The following TAFA5 variants were observed in gnomAD, a reference collection of about 807,000 sequenced individuals.
TAFA5 encodes TAFA chemokine like family member 5.
Under a neutral mutation model 15.3 loss-of-function variants are expected in TAFA5, and 6 were observed. The ratio of observed to expected loss-of-function variants is 0.39; its 90% CI spans 0.21 to 0.77. The LOEUF is 0.77. Among genes scored for constraint, TAFA5 ranks in the 30% least tolerant of loss-of-function variants. The probability of loss-of-function intolerance (pLI) is 0.41; values close to 1 mark genes in which losing one functional copy is unlikely to be tolerated. For missense variants in TAFA5, 161 were observed against 193.1 expected (o/e 0.83, Z 0.98); for synonymous variants, 103 against 80.7 (o/e 1.28, Z -1.48).
At chr22:48,576,084 C>T (rs1601589051) in intron 1 of TAFA5, among the ~76,000 whole-genome samples, 1 of 136,728 alleles carries the variant, frequency 7.3e-6, no homozygotes, top group East Asian at 2.2e-4. Context: ...AATCCGCGGC[C>T]CGCCGTCCGG....
At chr22:48,717,159 C>CA in intron 3 of TAFA5, among the ~76,000 whole-genome samples, 1 of 152,358 alleles carries the variant, frequency 6.6e-6, no homozygotes, top group South Asian at 2.1e-4. Context: ...CCCCAAAACT[C>CA]AGAGGGAAAA....
chr22:48,737,322 G>T (rs1442068311), intron 3 of TAFA5, among the ~76,000 whole-genome samples: 1 of 152,224 alleles, frequency 6.6e-6, no homozygotes, highest in Non-Finnish European at 1.5e-5. Context: ...GGCCCCCACA[G>T]CTCGAGGGCA....
At chr22:48,743,422 C>A (rs1930238536) in intron 3 of TAFA5, among the ~76,000 whole-genome samples, 1 of 152,180 alleles carries the variant, frequency 6.6e-6, no homozygotes, top group Non-Finnish European at 1.5e-5. Context: ...GTGGTATCCA[C>A]CCTAATCTGA....
intron 1 of TAFA5, among the ~76,000 whole-genome samples, chr22:48,541,188 G>A (rs185349351): frequency 6.6e-6 from 1 of 152,232 alleles, no homozygotes; most frequent in African/African-American, 2.4e-5. Context: ...CGGGGCGTTT[G>A]TACAGGGCCT....
chr22:48,663,215 G>A (rs1171000855), intron 2 of TAFA5, among the ~76,000 whole-genome samples: 1 of 152,236 alleles, frequency 6.6e-6, no homozygotes, highest in African/African-American at 2.4e-5. Flanking sequence ...ATTGGGAAGG[G>A]AAGGATATTT....
At chr22:48,745,775 AT>A (rs1378280979) in intron 3 of TAFA5, among the ~76,000 whole-genome samples, 1 of 152,106 alleles carries the variant, frequency 6.6e-6, no homozygotes, top group Admixed American at 6.5e-5. Flanking sequence ...CGGCCCAAAG[AT>A]TTCATATAAA....
chr22:48,598,013 C>T lies in TAFA5; in HGVS notation c.113-48584C>T, dbSNP rs73425996. On this transcript the variant is annotated intron_variant, in intron 1 of 3. Transcript: ENST00000402357. The surrounding 1 kb of genome is among the most constrained non-coding windows in gnomAD (Gnocchi z 4.0). The stretch of plus-strand genomic sequence containing the variant: ...TCAGAGAACGGAACCAATGGGACTT[C>T]GAGAGAGCGAGAGGGAGCGAGGTTT... 0.045 allele frequency among the ~76,000 whole-genome samples: 6,908 copies of T among 152,190 alleles called. 424 individuals are homozygous for T. The highest frequency in any genetic ancestry group is 0.16 in the East Asian group (831 of 5,164).
At chr22:48,681,451 T>C (rs534419136) in intron 2 of TAFA5, among the ~76,000 whole-genome samples, 2 of 146,224 alleles carry the variant, frequency 1.4e-5, no homozygotes, top group East Asian at 2.0e-4. Flanking sequence ...AGGACCAGCC[T>C]GGGGAACACG....
intron 1 of TAFA5, among the ~76,000 whole-genome samples, chr22:48,604,027 A>G (rs971262236): frequency 6.6e-6 from 1 of 152,186 alleles, no homozygotes; most frequent in African/African-American, 2.4e-5. Flanking sequence ...TTGATAATCC[A>G]GGTACCCCGT....
intron 2 of TAFA5, among the ~76,000 whole-genome samples, chr22:48,686,924 ATGGATGGATGG>A (rs1445602951): frequency 2.3e-4 from 35 of 149,238 alleles, no homozygotes; most frequent in Non-Finnish European, 4.2e-4. Context: ...GGATGGATGG[ATGGATGGATGG>A]ATGGATTGGT....
chr22:48,707,726 T>C lies in TAFA5; in HGVS notation c.272T>C (p.Ile91Thr). 1 of 1,613,824 alleles carries C rather than the reference T, an allele frequency of 6.2e-7. No homozygotes were observed. Among genetic ancestry groups the C allele is most frequent in the Non-Finnish European group, 8.5e-7 (1 of 1,179,826 alleles). ...CTCTTTTCTCCCACAGCAAGAATCATCAAGACCAAGCAGTGGTGTGACATG... is the reference window on the plus strand; with the variant it reads ...CTCTTTTCTCCCACAGCAAGAATCACCAAGACCAAGCAGTGGTGTGACATG... ...ARPACVDARI[I>T]KTKQWCDMLP... The change falls in exon 3 of 4, where the codon ATC becomes ACC. Residue 91 changes from isoleucine to threonine, a missense_variant. Coordinates refer to ENST00000402357, the MANE Select transcript of TAFA5 (RefSeq NM_001082967.3).
chr22:48,678,425 T>G (rs1278589715), intron 2 of TAFA5, among the ~76,000 whole-genome samples: 5 of 152,150 alleles, frequency 3.3e-5, no homozygotes, highest in Non-Finnish European at 7.4e-5. Context: ...CAGGGCCCTG[T>G]GCAGAGGAAC....
At chr22:48,647,559 G>A (rs911502913) in intron 2 of TAFA5, among the ~76,000 whole-genome samples, 3 of 152,150 alleles carry the variant, frequency 2.0e-5, no homozygotes, top group Admixed American at 6.5e-5. Flanking sequence ...CCTCCCCAAG[G>A]CCCAGTGTGT....
chr22:48,508,739 A>G (rs538014090), intron 1 of TAFA5, among the ~76,000 whole-genome samples: 17 of 152,248 alleles, frequency 1.1e-4, no homozygotes, highest in East Asian at 1.9e-4. Context: ...TTCAACACAT[A>G]TATACAAACA....
intron 1 of TAFA5, among the ~76,000 whole-genome samples, chr22:48,620,236 C>T (rs946432376): frequency 2.0e-5 from 3 of 152,062 alleles, no homozygotes; most frequent in Non-Finnish European, 4.4e-5. Context: ...AGCCACCTCT[C>T]CCTCCACAGG....
chr22:48,747,839 G>GT lies in TAFA5; in HGVS notation c.391-1999dup, dbSNP rs572357641. The stretch of plus-strand genomic sequence containing the variant: ...TTGAACGGGGGAGGCAGAGGTTGCG[G>GT]TGAGCCGAGATCGCACCACTGTACT... On this transcript the variant is annotated intron_variant, in intron 3 of 3. Coordinates refer to ENST00000402357, the MANE Select transcript of TAFA5 (RefSeq NM_001082967.3). Among the ~76,000 whole-genome samples, 17 of 151,610 alleles carry GT rather than the reference G, an allele frequency of 1.1e-4. No individual in the cohort carries two copies. In the East Asian group the frequency reaches 3.1e-3, roughly 28 times the overall value.
rs575241069 is a variant in TAFA5, at chr22:48,589,143, G to A, written c.113-57454G>A. 7.3e-4 allele frequency among the ~76,000 whole-genome samples: 111 copies of A among 152,198 alleles called. 1 individual carries two copies. Among genetic ancestry groups the A allele is most frequent in the African/African-American group, 2.5e-3 (104 of 41,452 alleles). Reference sequence around the variant, plus strand: ...GACAACTCCCTGCTCCTGCCCGCTGGTTGCCTTGGGGACAACCTTGATAGA... The same window carrying A: ...GACAACTCCCTGCTCCTGCCCGCTGATTGCCTTGGGGACAACCTTGATAGA... On this transcript the variant is annotated intron_variant, in intron 1 of 3. Coordinates refer to ENST00000402357, the MANE Select transcript of TAFA5 (RefSeq NM_001082967.3).
rs1019255585 is a variant in TAFA5 at position 48,695,836 on chromosome 22, G to T, written c.263-11881G>T. On this transcript the variant is annotated intron_variant, in intron 2 of 3. Coordinates refer to ENST00000402357, the MANE Select transcript of TAFA5 (RefSeq NM_001082967.3). ...CCTCTGGCGTCACCAGAGTCCTGGC[G>T]AGGGGAGTCAGCGTGGCTGGCTTCA... is the stretch of plus-strand genomic sequence containing the variant. Among the ~76,000 whole-genome samples the T allele has an allele frequency of 2.6e-4, 39 of 152,208 alleles. 1 individual carries two copies. The highest frequency in any genetic ancestry group is 2.9e-5 in the Non-Finnish European group (2 of 68,030).
At chr22:48,650,006 C>T (rs1330955580) in intron 2 of TAFA5, among the ~76,000 whole-genome samples, 1 of 152,200 alleles carries the variant, frequency 6.6e-6, no homozygotes, top group Non-Finnish European at 1.5e-5. Context: ...GGAGGCCAAA[C>T]AAATTAGTTA....
Sources: gnomAD v4.1 joint callset for allele counts (sites outside exome capture counted in the v4.1 genomes callset) on GRCh38, gnomAD v4.1.1 for gene constraint, Gnocchi (gnomAD v3.1) non-coding constraint, MANE v1.5 for transcripts, NCBI Gene and HGNC (gene_info 2026-07-23, HGNC 2026-07-21) for gene names.